Variants in ZFHX3 observed in about 807,000 individuals in gnomAD.
ZFHX3 encodes the protein zinc finger homeobox protein 3.
ZFHX3 carries 42 observed loss-of-function variants against 279.1 expected under a neutral mutation model. That is an observed-to-expected ratio of 0.15 (90% confidence interval 0.12 to 0.19). The LOEUF is 0.19. ZFHX3 is among the 10% of genes least tolerant of loss of function. The pLI is 1.00. For synonymous variants in ZFHX3, 2,293 were observed against 1,957.8 expected (o/e 1.17, Z -4.52); for missense variants, 4,981 against 4,754.0 (o/e 1.05, Z -1.40).
intron 1 of ZFHX3, among the ~76,000 whole-genome samples, chr16:73,686,925 T>G (rs1171400535): frequency 6.7e-6 from 1 of 149,694 alleles, no homozygotes; most frequent in Non-Finnish European, 1.5e-5. Flanking sequence ...AATGGAACCC[T>G]TTTTTGTACA....
Position 73,602,882 on chromosome 16 carries a change from G to A in ZFHX3, c.-1547+77298C>T, listed in dbSNP as rs1404764131. 2.7e-5 allele frequency among the ~76,000 whole-genome samples: 4 copies of A among 149,332 alleles called. No homozygotes were observed. In the East Asian group the frequency reaches 7.8e-4, roughly 29 times the overall value. Reference sequence around the variant, plus strand: ...GAATTGCTTGAACCCGGTTTGCAGTGAACCGAGATGGCTCCATTGCACTCC... The same window carrying A: ...GAATTGCTTGAACCCGGTTTGCAGTAAACCGAGATGGCTCCATTGCACTCC... On this transcript the variant is annotated intron_variant, in intron 2 of 17. Transcript: ENST00000641206.
At chr16:73,880,036 A>G (rs1009196112) in intron 1 of ZFHX3, among the ~76,000 whole-genome samples, 3 of 152,196 alleles carry the variant, frequency 2.0e-5, no homozygotes, top group Admixed American at 2.0e-4. Context: ...AACTAAGAAC[A>G]TGGTGGAATC....
intron 2 of ZFHX3, among the ~76,000 whole-genome samples, chr16:73,662,383 C>CTT (rs1441270599): frequency 4.6e-5 from 7 of 152,094 alleles, no homozygotes; most frequent in African/African-American, 1.7e-4. Flanking sequence ...GCGTTTCTCC[C>CTT]TTATTTCTCA....
intron 9 of ZFHX3, 137 bp from the exon 10 acceptor site, chr16:72,788,985 A>T: frequency 7.6e-7 from 1 of 1,309,916 alleles, no homozygotes; most frequent in East Asian, 2.5e-5. Context: ...GAACATTTCC[A>T]ACAGAAGTAT....
intron 1 of ZFHX3, among the ~76,000 whole-genome samples, chr16:73,681,924 T>C (rs1032425923): frequency 3.9e-5 from 6 of 152,214 alleles, no homozygotes; most frequent in Non-Finnish European, 7.3e-5. Flanking sequence ...ATAAATACGA[T>C]TCCCCAAAGA....
intron 4 of ZFHX3, among the ~76,000 whole-genome samples, chr16:73,299,264 T>G (rs1299412241): frequency 6.6e-6 from 1 of 152,176 alleles, no homozygotes; most frequent in Non-Finnish European, 1.5e-5. Flanking sequence ...ACATTGCTGT[T>G]CAGCCCCTAG....
chr16:73,389,929 G>A (rs771989876), intron 3 of ZFHX3, among the ~76,000 whole-genome samples: 8 of 152,106 alleles, frequency 5.3e-5, no homozygotes, highest in East Asian at 1.9e-4. Context: ...GTGTGGTGGC[G>A]CACGCCTGTA....
intron 2 of ZFHX3, among the ~76,000 whole-genome samples, chr16:73,567,656 G>A (rs74376391): frequency 0.041 from 6,295 of 152,280 alleles, 218 homozygotes; most frequent in East Asian, 0.11. Flanking sequence ...GAGTTGGAAG[G>A]GATGTTGACT....
chr16:73,514,268 A>T (rs1040847958), intron 2 of ZFHX3, among the ~76,000 whole-genome samples: 8 of 152,152 alleles, frequency 5.3e-5, no homozygotes, highest in Admixed American at 5.2e-4. Context: ...TAAAAAATAA[A>T]AGTGATATTG....
intron 4 of ZFHX3, among the ~76,000 whole-genome samples, chr16:72,886,506 G>A (rs562291988): frequency 1.3e-5 from 2 of 152,180 alleles, no homozygotes; most frequent in African/African-American, 2.4e-5. Flanking sequence ...CCAGGTCACC[G>A]ACTCTGGGTG....
intron 5 of ZFHX3, among the ~76,000 whole-genome samples, chr16:73,201,592 T>C (rs1470414877): frequency 6.6e-6 from 1 of 152,206 alleles, no homozygotes; most frequent in Admixed American, 6.5e-5. Flanking sequence ...CTTCAACAAT[T>C]TTGTTGTCCA....
intron 3 of ZFHX3, among the ~76,000 whole-genome samples, chr16:73,423,649 G>T (rs954030503): frequency 1.3e-5 from 2 of 152,164 alleles, no homozygotes; most frequent in African/African-American, 4.8e-5. Context: ...ATCACCTAAG[G>T]TCAGGAGTTT....
intron 1 of ZFHX3, among the ~76,000 whole-genome samples, chr16:73,866,990 T>G (rs1962038922): frequency 6.6e-6 from 1 of 152,086 alleles, no homozygotes; most frequent in Admixed American, 6.5e-5. Context: ...GCATTCAATT[T>G]CTGGCATCTC....
chr16:73,236,324 G>A (rs952119775), intron 5 of ZFHX3, among the ~76,000 whole-genome samples: 12 of 152,154 alleles, frequency 7.9e-5, no homozygotes, highest in Non-Finnish European at 1.3e-4. Flanking sequence ...CTGGCTGGGC[G>A]CAGTGGCTCA....
intron 1 of ZFHX3, among the ~76,000 whole-genome samples, chr16:73,847,658 A>T (rs1445124816): frequency 6.6e-6 from 1 of 152,060 alleles, no homozygotes; most frequent in Admixed American, 6.6e-5. Flanking sequence ...TACCTTGTAG[A>T]GTTGTTAGGA....
At chr16:73,781,135 C>T (rs1959455822) in intron 1 of ZFHX3, among the ~76,000 whole-genome samples, 1 of 152,114 alleles carries the variant, frequency 6.6e-6, no homozygotes, top group South Asian at 2.1e-4. Context: ...AGTGTTAAAC[C>T]TAGTTACTTT....
chr16:73,753,332 A>T (rs983135954), intron 1 of ZFHX3, among the ~76,000 whole-genome samples: 4 of 152,160 alleles, frequency 2.6e-5, no homozygotes, highest in Non-Finnish European at 4.4e-5. Context: ...AGCTGCCCTC[A>T]TTGCTCACTT....
rs2015314842 is a variant in ZFHX3 at position 73,311,137 on chromosome 16, G to A, written c.-1194+7103C>T. 2.6e-5 allele frequency among the ~76,000 whole-genome samples: 4 copies of A among 152,122 alleles called. 1 individual carries two copies. The highest frequency in any genetic ancestry group is 6.5e-5 in the Admixed American group (1 of 15,282). On this transcript the variant is annotated intron_variant, in intron 4 of 17. Coordinates refer to the ZFHX3 transcript ENST00000641206. ...AATCCCAGCTACTTGGGAGGCTGAGGCAAGAGAATTGTTTGAACCTGGGAG... is the reference window on the plus strand; with the variant it reads ...AATCCCAGCTACTTGGGAGGCTGAGACAAGAGAATTGTTTGAACCTGGGAG...
chr16:73,883,617 C>G (rs183347093), intron 1 of ZFHX3, among the ~76,000 whole-genome samples: 170 of 151,918 alleles, frequency 1.1e-3, no homozygotes, highest in African/African-American at 3.6e-3. Flanking sequence ...CAGAAAGGCG[C>G]GGTAAAAATC....
Sources: gnomAD v4.1 joint callset for allele counts (sites outside exome capture counted in the v4.1 genomes callset) on GRCh38, gnomAD v4.1.1 for gene constraint, MANE v1.5 for transcripts, NCBI Gene and HGNC (gene_info 2026-07-23, HGNC 2026-07-21) for gene names.